KIAA1217: variants seen among roughly 807,000 people sequenced by gnomAD.
The protein encoded by KIAA1217 is KIAA1217.
Under a neutral mutation model 163.9 loss-of-function variants are expected in KIAA1217, and 88 were observed. The ratio of observed to expected loss-of-function variants is 0.54; its 90% confidence interval spans 0.45 to 0.64. KIAA1217 has a LOEUF of 0.64. KIAA1217 is among the 30% of genes least tolerant of loss of function. The pLI is 0.00. For synonymous variants in KIAA1217, 903 were observed against 923.1 expected, an observed-to-expected ratio of 0.98 and a Z score of 0.39; for missense variants, 2,372 against 2,475.0, an observed-to-expected ratio of 0.96 and a Z score of 0.88.
At chr10:24,053,906 T>A (rs1440006455) in intron 2 of KIAA1217, among the ~76,000 whole-genome samples, 1 of 152,178 alleles carries the variant, frequency 6.6e-6, no homozygotes, top group Non-Finnish European at 1.5e-5. Context: ...ATAGACCATG[T>A]TGGTTGCATT....
chr10:23,869,701 A>T (rs568821687), intron 1 of KIAA1217, among the ~76,000 whole-genome samples: 1 of 152,222 alleles, frequency 6.6e-6, no homozygotes, highest in Admixed American at 6.5e-5. Flanking sequence ...GAGAAGAAAG[A>T]GAGTGAGTTA....
intron 1 of KIAA1217, among the ~76,000 whole-genome samples, chr10:23,988,488 T>C (rs1181549173): frequency 1.3e-5 from 2 of 152,222 alleles, no homozygotes; most frequent in African/African-American, 2.4e-5. Flanking sequence ...TATATCTCTT[T>C]CTGCTTAGAA....
intron 1 of KIAA1217, among the ~76,000 whole-genome samples, chr10:23,919,160 G>C (rs926766333): frequency 6.6e-6 from 1 of 152,152 alleles, no homozygotes; most frequent in Non-Finnish European, 1.5e-5. Context: ...TATCTCATCA[G>C]AGAGGAATCT....
intron 5 of KIAA1217, among the ~76,000 whole-genome samples, chr10:24,466,071 G>A (rs537991726): frequency 1.3e-5 from 2 of 152,298 alleles, no homozygotes; most frequent in Admixed American, 6.5e-5. Flanking sequence ...TCTCCCTCAT[G>A]TTTTCCCTCT....
At chr10:24,194,357 T>C (rs1203105377) in intron 2 of KIAA1217, among the ~76,000 whole-genome samples, 1 of 89,956 alleles carries the variant, frequency 1.1e-5, no homozygotes, top group African/African-American at 4.5e-5. Context: ...CCACTCCCCT[T>C]CCTTCATCCC....
rs548107763 is a variant in KIAA1217 at position 24,019,192 on chromosome 10, T to C, written c.-171+11818T>C. On this transcript the variant is annotated intron_variant, in intron 2 of 18. Transcript: ENST00000376462. ...CTTGAAAATCACTGAAAAAGTAGAT[T>C]TTAAAATGTTCTCATCAGAAAAATG... Among the ~76,000 whole-genome samples the C allele has an allele frequency of 1.4e-3, 216 of 152,190 alleles. 1 individual carries two copies. The highest frequency in any genetic ancestry group is 5.1e-3 in the African/African-American group (210 of 41,552).
At chr10:24,368,028 T>C (rs1412625428) in intron 2 of KIAA1217, among the ~76,000 whole-genome samples, 3 of 152,216 alleles carry the variant, frequency 2.0e-5, no homozygotes, top group Non-Finnish European at 2.9e-5. Context: ...GATCTCTTTT[T>C]AGGGTAACAA....
At chr10:23,952,330 G>A (rs891086403) in intron 1 of KIAA1217, among the ~76,000 whole-genome samples, 1 of 152,146 alleles carries the variant, frequency 6.6e-6, no homozygotes, top group African/African-American at 2.4e-5. Flanking sequence ...ATTGCTTCCC[G>A]TGTTCTGGAC....
chr10:24,517,583 T>C (rs7078849), intron 10 of KIAA1217, among the ~76,000 whole-genome samples: 46,132 of 152,108 alleles, frequency 0.3, 7,349 homozygotes, highest in Middle Eastern at 0.4. Flanking sequence ...TTCTCCTTTT[T>C]GTTCTTCTCC....
chr10:24,032,845 G>A (rs1338179041), intron 2 of KIAA1217, among the ~76,000 whole-genome samples: 1 of 152,036 alleles, frequency 6.6e-6, no homozygotes, highest in Non-Finnish European at 1.5e-5. Flanking sequence ...TTTACCTCAG[G>A]ATTCTACTCT....
At position 24,433,010 on chromosome 10, in the gene KIAA1217, A is replaced by G; in HGVS notation, c.569A>G (p.Gln190Arg). The change falls in exon 4 of 21, where the codon CAG becomes CGG. Residue 190 changes from glutamine (Q) to arginine (R), a missense_variant. Physicochemically the swap from Gln to Arg is conservative, Grantham distance 43. Coordinates refer to ENST00000376454, the MANE Select transcript of KIAA1217 (RefSeq NM_019590.5). Reference sequence around the variant, plus strand: ...TTGTGTGCAGGGGTTCTCTATCTCCAGTATGGAGATGAAACCAAGCAGCTC... The same window carrying G: ...TTGTGTGCAGGGGTTCTCTATCTCCGGTATGGAGATGAAACCAAGCAGCTC... The part of the protein sequence containing the change: ...KERSLGVLYL[Q>R]YGDETKQLRM... The G allele has an allele frequency of 6.2e-7, 1 of 1,614,056 alleles. No homozygotes were observed. Among genetic ancestry groups the G allele is most frequent in the Non-Finnish European group, 8.5e-7 (1 of 1,179,962 alleles).
At chr10:24,041,516 G>A (rs1293606059) in intron 2 of KIAA1217, among the ~76,000 whole-genome samples, 1 of 152,044 alleles carries the variant, frequency 6.6e-6, no homozygotes, top group Non-Finnish European at 1.5e-5. Flanking sequence ...TCTCTCTGAT[G>A]CACACACATA....
At chr10:24,174,409 C>T (rs571241732) in intron 2 of KIAA1217, among the ~76,000 whole-genome samples, 29 of 152,208 alleles carry the variant, frequency 1.9e-4, no homozygotes, top group African/African-American at 5.1e-4. Flanking sequence ...ACTATGTGCA[C>T]GTATGTGCAT....
chr10:24,274,100 G>A (rs1442174556), intron 2 of KIAA1217, among the ~76,000 whole-genome samples: 2 of 152,246 alleles, frequency 1.3e-5, no homozygotes, highest in East Asian at 3.9e-4. Flanking sequence ...ATGACTAATA[G>A]CATACATGTA....
At position 24,219,644 on chromosome 10, in the gene KIAA1217, T is replaced by G. The variant is rs1319519257; in HGVS notation, c.89T>G (p.Leu30Arg). The G allele has an allele frequency of 6.2e-7, 1 of 1,602,670 alleles. No individual in the cohort carries two copies. Among genetic ancestry groups the G allele is most frequent in the East Asian group, 2.2e-5 (1 of 44,724 alleles). The part of the protein sequence containing the change: ...RQMQEQGKGN[L>R]HVTSPEDAEC... ...CTTTCAGAACAAGGCAAAGGCAATC[T>G]GCATGTAACATCACCAGAAGATGCA... Residue 30 changes from leucine to arginine, a missense_variant, in exon 2 of 21, where the codon CTG becomes CGG. Physicochemically the swap from Leu to Arg is moderately radical, Grantham distance 102. Transcript: ENST00000376454.
At chr10:24,279,750 A>G (rs2077701824) in intron 2 of KIAA1217, among the ~76,000 whole-genome samples, 1 of 152,220 alleles carries the variant, frequency 6.6e-6, no homozygotes. Context: ...AACTGGAGTT[A>G]AAACTTTTTA....
intron 2 of KIAA1217, among the ~76,000 whole-genome samples, chr10:24,276,940 G>A (rs11014003): frequency 0.34 from 51,153 of 151,192 alleles, 9,536 homozygotes; most frequent in Admixed American, 0.49. Flanking sequence ...AATAAAAATC[G>A]TAGAGATGGG....
intron 3 of KIAA1217, among the ~76,000 whole-genome samples, chr10:24,397,374 C>G (rs373364526): frequency 6.6e-6 from 1 of 152,132 alleles, no homozygotes; most frequent in African/African-American, 2.4e-5. Flanking sequence ...AGGCGTGAAC[C>G]ACTGTGCCTG....
chr10:23,717,589 G>C (rs1199766775), intron 1 of KIAA1217, among the ~76,000 whole-genome samples: 1 of 152,028 alleles, frequency 6.6e-6, no homozygotes, highest in East Asian at 1.9e-4. Flanking sequence ...TAGCAGGTGG[G>C]GTGGTTCAGG....
Sources: allele counts gnomAD v4.1 joint callset (sites outside exome capture counted in the v4.1 genomes callset), GRCh38; gene constraint gnomAD v4.1.1; transcripts MANE v1.5; gene names NCBI Gene and HGNC (gene_info 2026-07-23, HGNC 2026-07-21).